Variants in GNAT1 observed in about 807,000 individuals in gnomAD.
The protein encoded by GNAT1 is G protein subunit alpha transducin 1.
GNAT1 carries 36 observed loss-of-function variants against 40.0 expected under a neutral mutation model. The observed-to-expected ratio is 0.90, with a 90% CI of 0.69 to 1.19. GNAT1 has a LOEUF of 1.19. Among genes scored for constraint, GNAT1 ranks in the 50% most tolerant of loss-of-function variants. GNAT1 has a pLI of 0.00. For missense variants in GNAT1, 413 were observed against 480.6 expected, an observed-to-expected ratio of 0.86 and a Z score of 1.32; for synonymous variants, 195 against 192.9, an observed-to-expected ratio of 1.01 and a Z score of -0.09.
chr3:50,195,208 C>T (rs952640685), intron 8 of GNAT1, 60 bp from the exon 9 acceptor site: 13 of 580,622 alleles, frequency 2.2e-5, no homozygotes, highest in African/African-American at 3.8e-5. Flanking sequence ...CCACCACACA[C>T]AATGCCTAAA....
At chr3:50,195,162 C>G in intron 8 of GNAT1, 106 bp from the exon 9 acceptor site, 1 of 610,398 alleles carries the variant, frequency 1.6e-6, no homozygotes, top group South Asian at 1.9e-5. Context: ...TTGGCCCCGC[C>G]CCAAGACCTC....
Position 50,193,884 on chromosome 3 carries a change from A to G in GNAT1, c.578+3A>G, listed in dbSNP as rs924650710. ...TCCTTCAAGGATCTCAACTTCCGGT[A>G]CGACCCATACGCTAGCCCAGGAGGT... On this transcript the variant is annotated splice_donor_region_variant and intron_variant, in intron 5 of 8. Transcript: ENST00000232461. This position sits in a 1 kb window ranked among gnomAD's most constrained non-coding sequence, Gnocchi z 8.1. The G allele has an allele frequency of 6.2e-7, 1 of 1,613,268 alleles. No individual in the cohort carries two copies. The highest frequency in any genetic ancestry group is 1.3e-5 in the African/African-American group (1 of 75,032).
At chr3:50,192,988 G>T in intron 1 of GNAT1, 145 bp from the exon 2 acceptor site, 1 of 741,802 alleles carries the variant, frequency 1.3e-6, no homozygotes, top group Non-Finnish European at 2.3e-6. Context: ...TGGGGGGGTA[G>T]GTGTGGCTAC....
At position 50,196,852 on chromosome 3, in the gene GNAT1, A is replaced by G. The variant is rs1398840095; in HGVS notation, c.*1586A>G. 6.6e-6 allele frequency among the ~76,000 whole-genome samples: 1 copy of G among 152,058 alleles called. No individual in the cohort carries two copies. Among genetic ancestry groups the G allele is most frequent in the Non-Finnish European group, 1.5e-5 (1 of 67,996 alleles). On this transcript the variant is annotated 3_prime_UTR_variant, in exon 9 of 9. Coordinates refer to ENST00000232461, the MANE Select transcript of GNAT1 (RefSeq NM_144499.3). ...GAGTTCAGTGGAGCAAGAGCAGGGG[A>G]GGAGAGACGTGGACAGGTGCCCAAA... is the stretch of plus-strand genomic sequence containing the variant.
chr3:50,194,339 G>A lies in GNAT1; in HGVS notation c.708+118G>A, dbSNP rs1699469831. 5 of 1,408,486 alleles carry A rather than the reference G, an allele frequency of 3.5e-6. No homozygotes were observed. The highest frequency in any genetic ancestry group is 4.9e-6 in the Non-Finnish European group (5 of 1,024,312). The allele number at this position is 1,408,486 out of a possible 1,614,324, so 87.2% of individuals were successfully genotyped here. On this transcript the variant is annotated intron_variant, in intron 6 of 8. Transcript: ENST00000232461. The surrounding 1 kb of genome is among the most constrained non-coding windows in gnomAD (Gnocchi z 6.1). Reference sequence around the variant, plus strand: ...CGGGAGGGGATGCCTGTCCCGGGCGGCCTGAGGAGGCCCGGAGGCGTTCAG... The same window carrying A: ...CGGGAGGGGATGCCTGTCCCGGGCGACCTGAGGAGGCCCGGAGGCGTTCAG...
In GNAT1 at chr3:50,193,319, C is replaced by A. The variant is rs1205473151; in HGVS notation, c.204C>A (p.Ile68=). 2 of 1,613,976 alleles carry A rather than the reference C, an allele frequency of 1.2e-6. No homozygotes were observed. Among genetic ancestry groups the A allele is most frequent in the African/African-American group, 2.7e-5 (2 of 74,948 alleles). Residue 68 remains isoleucine (I), a synonymous_variant, in exon 3 of 9, where the codon ATC becomes ATA. Coordinates refer to ENST00000232461, the MANE Select transcript of GNAT1 (RefSeq NM_144499.3). This position sits in a 1 kb window ranked among gnomAD's most constrained non-coding sequence, Gnocchi z 8.1. ...SLEECLEFIA[I]IYGNTLQSIL... is the part of the protein sequence containing the mutation. Reference sequence around the variant, plus strand: ...AAGAGTGCCTCGAGTTTATCGCCATCATCTACGGCAACACGTTGCAGTCCA... The same window carrying A: ...AAGAGTGCCTCGAGTTTATCGCCATAATCTACGGCAACACGTTGCAGTCCA...
Position 50,193,094 on chromosome 3 carries a change from G to C in GNAT1, c.107-39G>C. On this transcript the variant is annotated intron_variant, in intron 1 of 8. Transcript: ENST00000232461. The surrounding 1 kb of genome is among the most constrained non-coding windows in gnomAD (Gnocchi z 8.1). ...CTGGCCTCCTTGCTGGAGGGGGCAG[G>C]CTGGTCAGCGCAGCTCTGAGGCGCC... 2 of 1,611,504 alleles carry C rather than the reference G, an allele frequency of 1.2e-6. No homozygotes were observed. The highest frequency in any genetic ancestry group is 1.7e-6 in the Non-Finnish European group (2 of 1,178,828).
rs1467914756 is a variant in GNAT1 at position 50,194,455 on chromosome 3, G to A, written c.709-46G>A. 1.6e-5 allele frequency: 26 copies of A among 1,603,562 alleles called. No homozygotes were observed. The East Asian group carries it at 5.6e-4, about 34-fold the overall frequency. On this transcript the variant is annotated intron_variant, in intron 6 of 8. Coordinates refer to ENST00000232461, the MANE Select transcript of GNAT1 (RefSeq NM_144499.3). This position sits in a 1 kb window ranked among gnomAD's most constrained non-coding sequence, Gnocchi z 6.1. ...CGGGAGCCCAGAGAGCAGGTGCTGC[G>A]GGTCGGACGCTACCCCGGGTGCCCA...
chr3:50,191,941 G>A (rs2109137587), intron 1 of GNAT1, 110 bp downstream of exon 1: 1 of 751,428 alleles, frequency 1.3e-6, no homozygotes, highest in Non-Finnish European at 2.3e-6. Context: ...ATGAGCCTGT[G>A]ACAGAGTAGG....
At position 50,194,214 on chromosome 3, in the gene GNAT1, A is replaced by G; in HGVS notation, c.701A>G (p.Asp234Gly). 6.2e-7 allele frequency: 1 copy of G among 1,608,172 alleles called. No homozygotes were observed. The highest frequency in any genetic ancestry group is 8.5e-7 in the Non-Finnish European group (1 of 1,177,254). ...TACGACATGGTGCTAGTGGAGGACGACGAAGTGGTGCGTGCCAGGCAGGGC... is the reference window on the plus strand; with the variant it reads ...TACGACATGGTGCTAGTGGAGGACGGCGAAGTGGTGCGTGCCAGGCAGGGC... ...SAYDMVLVED[D>G]EVNRMHESLH... Residue 234 changes from aspartate to glycine, a missense_variant, in exon 6 of 9, where the codon GAC (aspartate) becomes GGC (glycine). Coordinates refer to ENST00000232461, the MANE Select transcript of GNAT1 (RefSeq NM_144499.3). The surrounding 1 kb of genome is among the most constrained non-coding windows in gnomAD (Gnocchi z 6.1).
Position 50,194,301 on chromosome 3 carries a change from C to T in GNAT1, c.708+80C>T. 6.7e-7 allele frequency: 1 copy of T among 1,503,506 alleles called. No individual in the cohort carries two copies. Among genetic ancestry groups the T allele is most frequent in the South Asian group, 1.2e-5 (1 of 82,194 alleles). 93.1% of individuals were successfully genotyped at this position (1,503,506 alleles called of 1,614,324 possible). A position where few individuals can be genotyped will look rare whatever the true frequency, so the allele number is the denominator to read the frequency against. ...CTGGAGGCGGAGACCGCGCGCTGGG[C>T]TGGGGGAGGGCACGGGAGGGGATGC... is the stretch of plus-strand genomic sequence containing the variant. On this transcript the variant is annotated intron_variant, in intron 6 of 8. Transcript: ENST00000232461. The surrounding 1 kb of genome is among the most constrained non-coding windows in gnomAD (Gnocchi z 6.1).
rs1412876583 is a variant in GNAT1 at position 50,194,717 on chromosome 3, G to C, written c.863-48G>C. 3.1e-6 allele frequency: 5 copies of C among 1,609,718 alleles called. No individual in the cohort carries two copies. Among genetic ancestry groups the C allele is most frequent in the Non-Finnish European group, 4.2e-6 (5 of 1,177,326 alleles). On this transcript the variant is annotated intron_variant, in intron 7 of 8. Coordinates refer to ENST00000232461, the MANE Select transcript of GNAT1 (RefSeq NM_144499.3). The surrounding 1 kb of genome is among the most constrained non-coding windows in gnomAD (Gnocchi z 6.1). ...CCCACGATCGCGGCGCGCACCCCCC[G>C]CACGGGGAAGGAAGGGCTGAGCAGA... is the stretch of plus-strand genomic sequence containing the variant.
At position 50,194,430 on chromosome 3, in the gene GNAT1, C is replaced by T. The variant is rs1251216597; in HGVS notation, c.709-71C>T. 1 of 1,551,718 alleles carries T rather than the reference C, an allele frequency of 6.4e-7. No individual in the cohort carries two copies. Among genetic ancestry groups the T allele is most frequent in the Non-Finnish European group, 8.8e-7 (1 of 1,133,960 alleles). On this transcript the variant is annotated intron_variant, in intron 6 of 8. Transcript: ENST00000232461. The surrounding 1 kb of genome is among the most constrained non-coding windows in gnomAD (Gnocchi z 6.1). ...AGCTGAGCGGGAAGCCCCGCGTGCCCGGGAGCCCAGAGAGCAGGTGCTGCG... is the reference window on the plus strand; with the variant it reads ...AGCTGAGCGGGAAGCCCCGCGTGCCTGGGAGCCCAGAGAGCAGGTGCTGCG...
rs373784651 is a variant in GNAT1 at position 50,194,907 on chromosome 3, C to A, written c.1005C>A (p.Val335=). The change falls in exon 8 of 9, where the codon GTC becomes GTA. Residue 335 remains valine, a synonymous_variant. Transcript: ENST00000232461. This position sits in a 1 kb window ranked among gnomAD's most constrained non-coding sequence, Gnocchi z 6.1. ...TQNVKFVFDA[V]TDIIIKENLK... ...ACGTCAAATTTGTCTTCGACGCTGT[C>A]ACCGACATCATCATCAAGGAGAACC... 6.2e-7 allele frequency: 1 copy of A among 1,613,916 alleles called. No homozygotes were observed.
Position 50,196,430 on chromosome 3 carries a change from A to C in GNAT1, c.*1164A>C, listed in dbSNP as rs572562871. 1 of 152,766 alleles carries C rather than the reference A, an allele frequency of 6.5e-6. No individual in the cohort carries two copies. The highest frequency in any genetic ancestry group is 2.1e-4 in the South Asian group (1 of 4,822). The allele number at this position is 152,766 out of a possible 1,614,324, so 9.5% of individuals were successfully genotyped here. A position where few individuals can be genotyped will look rare whatever the true frequency, so the allele number is the denominator to read the frequency against. ...AGGGCCTGTGCTGCAGTCGGGGACA[A>C]GGAGCTTCCGTCTGGCAAGGCCGGG... On this transcript the variant is annotated 3_prime_UTR_variant, in exon 9 of 9. Transcript: ENST00000232461.
At position 50,193,161 on chromosome 3, in the gene GNAT1, C is replaced by G; in HGVS notation, c.135C>G (p.Ile45Met). 6.2e-7 allele frequency: 1 copy of G among 1,613,990 alleles called. No individual in the cohort carries two copies. The change falls in exon 2 of 9, where the codon ATC becomes ATG. Residue 45 changes from isoleucine (I) to methionine (M), a missense_variant. Ile to Met is a conservative substitution (Grantham distance 10). Transcript: ENST00000232461. The surrounding 1 kb of genome is among the most constrained non-coding windows in gnomAD (Gnocchi z 8.1). The stretch of plus-strand genomic sequence containing the variant: ...CCGGTGAGTCCGGGAAGAGCACCAT[C>G]GTCAAGCAGATGAAGTGAGTGCCCC... ...LGAGESGKST[I>M]VKQMKIIHQD... is the part of the protein sequence containing the mutation.
In GNAT1 at chr3:50,194,046, G is replaced by T. The variant is rs1439368368; in HGVS notation, c.579-46G>T. 3 of 1,611,038 alleles carry T rather than the reference G, an allele frequency of 1.9e-6. No homozygotes were observed. Among genetic ancestry groups the T allele is most frequent in the Non-Finnish European group, 2.5e-6 (3 of 1,178,224 alleles). On this transcript the variant is annotated intron_variant, in intron 5 of 8. Transcript: ENST00000232461. The surrounding 1 kb of genome is among the most constrained non-coding windows in gnomAD (Gnocchi z 6.1). ...GACCAGCACAGGGCGAAGGGATGTTGCCTGTGGGGCCCGGGGCGCAGGTTC... is the reference window on the plus strand; with the variant it reads ...GACCAGCACAGGGCGAAGGGATGTTTCCTGTGGGGCCCGGGGCGCAGGTTC...
Position 50,194,798 on chromosome 3 carries a change from T to C in GNAT1, c.896T>C (p.Ile299Thr). 6.2e-7 allele frequency: 1 copy of C among 1,613,648 alleles called. No individual in the cohort carries two copies. The highest frequency in any genetic ancestry group is 1.1e-5 in the South Asian group (1 of 91,074). Residue 299 changes from isoleucine to threonine, a missense_variant, in exon 8 of 9, where the codon ATC (isoleucine) becomes ACC (threonine). Coordinates refer to ENST00000232461, the MANE Select transcript of GNAT1 (RefSeq NM_144499.3). This position sits in a 1 kb window ranked among gnomAD's most constrained non-coding sequence, Gnocchi z 6.1. ...ACCTACGAGGACGCCGGCAACTACATCAAGGTGCAGTTCCTCGAGCTCAAC... is the reference window on the plus strand; with the variant it reads ...ACCTACGAGGACGCCGGCAACTACACCAAGGTGCAGTTCCTCGAGCTCAAC... ...PNTYEDAGNY[I>T]KVQFLELNMR...
In GNAT1 at chr3:50,193,964, C is replaced by A. The variant is rs1418020868; in HGVS notation, c.578+83C>A. On this transcript the variant is annotated intron_variant, in intron 5 of 8. Coordinates refer to ENST00000232461, the MANE Select transcript of GNAT1 (RefSeq NM_144499.3). This position sits in a 1 kb window ranked among gnomAD's most constrained non-coding sequence, Gnocchi z 8.1. ...GACCCCATCCCTGCGATAGACCCTGCCCCTTCCCTGATACCCCGCCAGCAG... is the reference window on the plus strand; with the variant it reads ...GACCCCATCCCTGCGATAGACCCTGACCCTTCCCTGATACCCCGCCAGCAG... The A allele has an allele frequency of 6.3e-7, 1 of 1,598,584 alleles. No homozygotes were observed. The highest frequency in any genetic ancestry group is 8.6e-7 in the Non-Finnish European group (1 of 1,166,620).
Sources: allele counts gnomAD v4.1 joint callset (sites outside exome capture counted in the v4.1 genomes callset), GRCh38; gene constraint gnomAD v4.1.1; non-coding constraint Gnocchi (gnomAD v3.1); transcripts MANE v1.5; gene names NCBI Gene and HGNC (gene_info 2026-07-23, HGNC 2026-07-21).